The following SYT17 variants were observed in gnomAD, a reference collection of about 807,000 sequenced individuals.
SYT17 encodes the protein synaptotagmin 17, also known as synaptotagmin-17.
Under a neutral mutation model 46.7 loss-of-function variants are expected in SYT17, and 22 were observed. The observed-to-expected ratio is 0.47, with a 90% confidence interval of 0.34 to 0.67. The LOEUF is 0.67. Among genes scored for constraint, SYT17 ranks in the 30% least tolerant of loss-of-function variants. SYT17 has a pLI of 0.01. For synonymous variants in SYT17, 251 were observed against 248.4 expected (o/e 1.01, Z -0.10); for missense variants, 519 against 612.8 (o/e 0.85, Z 1.62).
At chr16:19,172,858 T>C in intron 2 of SYT17, 81 bp downstream of exon 2, 3 of 1,519,746 alleles carry the variant, frequency 2.0e-6, no homozygotes, top group Non-Finnish European at 2.7e-6. Flanking sequence ...TATGTGGGGC[T>C]GTGGGGATAT....
intron 7 of SYT17, among the ~76,000 whole-genome samples, chr16:19,241,244 G>GC (rs1003844073): frequency 6.7e-6 from 1 of 149,634 alleles, no homozygotes; most frequent in Non-Finnish European, 1.5e-5. Context: ...ACCGCGCCCG[G>GC]CCCCCTAGGC....
intron 3 of SYT17, among the ~76,000 whole-genome samples, chr16:19,174,129 C>T (rs189538106): frequency 2.8e-3 from 434 of 152,334 alleles, no homozygotes; most frequent in African/African-American, 9.4e-3. Flanking sequence ...CACCTCCAGG[C>T]TCCATCCTGT....
At chr16:19,243,874 A>T (rs1967331925) in intron 7 of SYT17, among the ~76,000 whole-genome samples, 1 of 151,648 alleles carries the variant, frequency 6.6e-6, no homozygotes, top group Non-Finnish European at 1.5e-5. Context: ...TCGTGATAAA[A>T]TAAGGGCCCC....
At chr16:19,249,816 G>T (rs1010301287) in intron 7 of SYT17, 3 of 941,414 alleles carry the variant, frequency 3.2e-6, no homozygotes, top group Non-Finnish European at 4.5e-6. Flanking sequence ...GGCCATGCAT[G>T]GTCTGTTATT....
intron 7 of SYT17, among the ~76,000 whole-genome samples, chr16:19,247,643 TC>T (rs1967679867): frequency 6.6e-6 from 1 of 152,214 alleles, no homozygotes; most frequent in African/African-American, 2.4e-5. Context: ...CGCAGAAGAT[TC>T]TTGTAAGAAT....
chr16:19,180,683 T>C, intron 4 of SYT17, 144 bp downstream of exon 4: 1 of 946,210 alleles, frequency 1.1e-6, no homozygotes, highest in African/African-American at 1.6e-5. Context: ...GAGAGAGAGA[T>C]AATGACGGTG....
chr16:19,204,961 C>T (rs531485277), intron 5 of SYT17, among the ~76,000 whole-genome samples: 20 of 152,266 alleles, frequency 1.3e-4, no homozygotes, highest in African/African-American at 3.6e-4. Flanking sequence ...AGCCTACACT[C>T]ATCAGCAAAT....
chr16:19,184,071 A>G lies in SYT17; in HGVS notation c.875A>G (p.Lys292Arg). ...DKFSRHCVIG[K>R]VSVPLCEVDL... ...TTCTCCCGCCACTGTGTCATTGGGAAAGTTTCTGTGCCTTTGTGTGAAGTT... is the reference window on the plus strand; with the variant it reads ...TTCTCCCGCCACTGTGTCATTGGGAGAGTTTCTGTGCCTTTGTGTGAAGTT... The change falls in exon 5 of 8, where the codon AAA becomes AGA. Residue 292 changes from lysine (K) to arginine (R), a missense_variant. Physicochemically the swap from Lys to Arg is conservative, Grantham distance 26. Coordinates refer to ENST00000355377, the MANE Select transcript of SYT17 (RefSeq NM_016524.4). The G allele has an allele frequency of 6.2e-7, 1 of 1,614,094 alleles. No individual in the cohort carries two copies.
chr16:19,252,161 A>G (rs540794619), intron 7 of SYT17, among the ~76,000 whole-genome samples: 1 of 145,168 alleles, frequency 6.9e-6, no homozygotes, highest in Non-Finnish European at 1.5e-5. Flanking sequence ...AACTGTCTCA[A>G]AACAAAACAA....
intron 5 of SYT17, among the ~76,000 whole-genome samples, chr16:19,201,109 A>T (rs1319174753): frequency 6.6e-6 from 1 of 152,210 alleles, no homozygotes; most frequent in South Asian, 2.1e-4. Context: ...ACTGCCGGAC[A>T]GTCCAGGGGA....
At chr16:19,257,172 G>A (rs569907720) in intron 7 of SYT17, among the ~76,000 whole-genome samples, 5 of 152,096 alleles carry the variant, frequency 3.3e-5, no homozygotes, top group African/African-American at 2.4e-5. Flanking sequence ...CATTATGACT[G>A]TTGGAAGGAA....
chr16:19,181,524 G>A (rs1964556514), intron 4 of SYT17, among the ~76,000 whole-genome samples: 1 of 152,158 alleles, frequency 6.6e-6, no homozygotes, highest in Non-Finnish European at 1.5e-5. Context: ...AGGGAGCACT[G>A]GATTTCTTTA....
At chr16:19,244,154 C>A (rs569199058) in intron 7 of SYT17, among the ~76,000 whole-genome samples, 1 of 152,268 alleles carries the variant, frequency 6.6e-6, no homozygotes, top group East Asian at 1.9e-4. Context: ...GCACAACAAC[C>A]AGACGAGGTA....
chr16:19,225,621 A>T (rs1197981025), intron 7 of SYT17, among the ~76,000 whole-genome samples: 2 of 152,202 alleles, frequency 1.3e-5, no homozygotes, highest in Non-Finnish European at 2.9e-5. Flanking sequence ...CTGCAGCCTC[A>T]TCTGAAGGCT....
Position 19,224,848 on chromosome 16 carries a change from A to G in SYT17, c.1228+10A>G, listed in dbSNP as rs867094576. On this transcript the variant is annotated intron_variant, in intron 7 of 7. Coordinates refer to ENST00000355377, the MANE Select transcript of SYT17 (RefSeq NM_016524.4). The stretch of plus-strand genomic sequence containing the variant: ...AGCCTAGTGTTTACAGGTAGGTAGC[A>G]TTCCAAAACCCGATGAACTCCAGGT... 2 of 1,613,820 alleles carry G rather than the reference A, an allele frequency of 1.2e-6. No individual in the cohort carries two copies. Among genetic ancestry groups the G allele is most frequent in the African/African-American group, 2.7e-5 (2 of 75,040 alleles).
rs1394946227 is a variant in SYT17 at position 19,168,875 on chromosome 16, A to G, written c.15+214A>G. The stretch of plus-strand genomic sequence containing the variant: ...CCCAAACCCCGGGATGGAGGGTCCT[A>G]TGTGTACTCTGCAACGCGCGCCCTT... On this transcript the variant is annotated intron_variant, in intron 1 of 7. Coordinates refer to ENST00000355377, the MANE Select transcript of SYT17 (RefSeq NM_016524.4). The surrounding 1 kb of genome is among the most constrained non-coding windows in gnomAD (Gnocchi z 6.9). 1.3e-5 allele frequency among the ~76,000 whole-genome samples: 2 copies of G among 151,872 alleles called. No individual in the cohort carries two copies. The highest frequency in any genetic ancestry group is 2.9e-5 in the Non-Finnish European group (2 of 67,934).
In SYT17 at chr16:19,252,395, A is replaced by G. The variant is rs1257672686; in HGVS notation, c.1229-14485A>G. Among the ~76,000 whole-genome samples the G allele has an allele frequency of 2.0e-4, 4 of 20,088 alleles. 2 individuals are homozygous for G. The highest frequency in any genetic ancestry group is 2.9e-4 in the Non-Finnish European group (4 of 13,580). The allele number at this position is 20,088 out of a possible 152,430, so 13.2% of individuals were successfully genotyped here. On this transcript the variant is annotated intron_variant, in intron 7 of 7. Transcript: ENST00000355377. The stretch of plus-strand genomic sequence containing the variant: ...CATATATATACATATATATATATAC[A>G]TATATATACATATATATATACATAT...
intron 5 of SYT17, among the ~76,000 whole-genome samples, chr16:19,209,770 C>T (rs1458901586): frequency 5.3e-5 from 8 of 151,256 alleles, no homozygotes; most frequent in Non-Finnish European, 1.5e-5. Context: ...CCCAGCTACT[C>T]GGGAGGCTGA....
At chr16:19,188,356 G>A (rs181697313) in intron 5 of SYT17, among the ~76,000 whole-genome samples, 29 of 152,120 alleles carry the variant, frequency 1.9e-4, no homozygotes, top group African/African-American at 6.7e-4. Context: ...TGGGAGGAGG[G>A]AGAGGATCAG....
Sources: gnomAD v4.1 joint callset for allele counts (sites outside exome capture counted in the v4.1 genomes callset) on GRCh38, gnomAD v4.1.1 for gene constraint, Gnocchi (gnomAD v3.1) non-coding constraint, MANE v1.5 for transcripts, NCBI Gene and HGNC (gene_info 2026-07-23, HGNC 2026-07-21) for gene names.